The following PPP4R3B variants were observed in gnomAD, a reference collection of about 807,000 sequenced individuals.
The protein encoded by PPP4R3B is serine/threonine-protein phosphatase 4 regulatory subunit 3B.
In PPP4R3B, 52 loss-of-function variants were observed where a neutral mutation model predicts 95.4. The observed-to-expected ratio is 0.54, with a 90% CI of 0.44 to 0.69. The LOEUF (loss-of-function observed/expected upper bound fraction) is 0.69. Among genes scored for constraint, PPP4R3B ranks in the 30% least tolerant of loss-of-function variants. The probability of loss-of-function intolerance (pLI) is 0.00; values close to 1 mark genes in which losing one functional copy is unlikely to be tolerated. For synonymous variants in PPP4R3B, 407 were observed against 343.9 expected (o/e 1.18, Z -2.03); for missense variants, 1,003 against 1,005.9 (o/e 1.00, Z 0.04).
At chr2:55,583,952 T>A (rs1445186577) in intron 7 of PPP4R3B, among the ~76,000 whole-genome samples, 2 of 152,178 alleles carry the variant, frequency 1.3e-5, no homozygotes, top group Non-Finnish European at 2.9e-5. Flanking sequence ...ATGCCTTTAA[T>A]CCCAGCACTT....
In PPP4R3B at chr2:55,548,615, C is replaced by T. The variant is rs1281455250; in HGVS notation, c.*1296G>A. 6.6e-6 allele frequency: 1 copy of T among 152,446 alleles called. No homozygotes were observed. The highest frequency in any genetic ancestry group is 1.5e-5 in the Non-Finnish European group (1 of 67,998). The allele number at this position is 152,446 out of a possible 1,614,324, so 9.4% of individuals were successfully genotyped here. A position where few individuals can be genotyped will look rare whatever the true frequency, so the allele number is the denominator to read the frequency against. Reference sequence around the variant, plus strand: ...ACAGGGGAAACTGCTTTAGATTAAACGATTCCAGGAAAAATGGACCCGTAA... The same window carrying T: ...ACAGGGGAAACTGCTTTAGATTAAATGATTCCAGGAAAAATGGACCCGTAA... On this transcript the variant is annotated 3_prime_UTR_variant, in exon 17 of 17. Coordinates refer to ENST00000616407, the MANE Select transcript of PPP4R3B (RefSeq NM_001122964.3).
rs1243798911 is a variant in PPP4R3B, at chr2:55,588,954, T to C, written c.924A>G (p.Glu308=). The C allele has an allele frequency of 2.5e-6, 4 of 1,583,450 alleles. No individual in the cohort carries two copies. The highest frequency in any genetic ancestry group is 2.6e-6 in the Non-Finnish European group (3 of 1,154,672). Residue 308 remains glutamate (E), a splice_region_variant and synonymous_variant, in exon 5 of 17, where the codon GAA becomes GAG. Transcript: ENST00000616407. ...AAACTTCAGACAAAAACTTCTCATCTTCCTGCATGAGAAAAATAATTACTA... is the reference window on the plus strand; with the variant it reads ...AAACTTCAGACAAAAACTTCTCATCCTCCTGCATGAGAAAAATAATTACTA... ...NKVEIVSMLQ[E]DEKFLSEVFA...
chr2:55,598,598 T>G lies in PPP4R3B; in HGVS notation c.739A>C (p.Lys247Gln), dbSNP rs759328979. Residue 247 changes from lysine to glutamine, a missense_variant, in exon 4 of 17, where the codon AAG (lysine) becomes CAG (glutamine). Transcript: ENST00000616407. ...RHREFLTKTA[K>Q]FKEVIPITDS... The stretch of plus-strand genomic sequence containing the variant: ...GTTATTGGTATAACTTCCTTGAACT[T>G]TGCAGTTTTGGTCAAGAATTCTCTA... 1 of 1,614,210 alleles carries G rather than the reference T, an allele frequency of 6.2e-7. No homozygotes were observed. The highest frequency in any genetic ancestry group is 2.2e-5 in the East Asian group (1 of 44,872).
At position 55,577,192 on chromosome 2, in the gene PPP4R3B, T is replaced by A. The variant is rs557987041; in HGVS notation, c.1606+123A>T. ...GATAGTGGAATTACAAAAGTAAATT[T>A]CTTCTTGGATTTTGTTTTTATGCCA... On this transcript the variant is annotated intron_variant, in intron 11 of 16. Coordinates refer to ENST00000616407, the MANE Select transcript of PPP4R3B (RefSeq NM_001122964.3). 1.1e-5 allele frequency: 14 copies of A among 1,226,240 alleles called. No homozygotes were observed. The African/African-American group carries it at 1.9e-4, about 17-fold the overall frequency. 76.0% of individuals were successfully genotyped at this position (1,226,240 alleles called of 1,614,324 possible). A position where few individuals can be genotyped will look rare whatever the true frequency, so the allele number is the denominator to read the frequency against.
chr2:55,588,799 CAA>C lies in PPP4R3B; in HGVS notation c.999+78_999+79del, dbSNP rs567653660. 2.3e-5 allele frequency: 20 copies of C among 859,930 alleles called. No homozygotes were observed. In the East Asian group the frequency reaches 4.9e-4, roughly 21 times the overall value. The allele number at this position is 859,930 out of a possible 1,614,324, so 53.3% of individuals were successfully genotyped here. A position where few individuals can be genotyped will look rare whatever the true frequency, so the allele number is the denominator to read the frequency against. ...CTAATCTAATTACAAAAAATTGTCTCAAGTTAGCAAATTCAAGATTAAAAGCT... is the reference window on the plus strand; with the variant it reads ...CTAATCTAATTACAAAAAATTGTCTCGTTAGCAAATTCAAGATTAAAAGCT... On this transcript the variant is annotated intron_variant, in intron 5 of 16. Coordinates refer to ENST00000616407, the MANE Select transcript of PPP4R3B (RefSeq NM_001122964.3).
intron 12 of PPP4R3B, among the ~76,000 whole-genome samples, chr2:55,569,881 G>T (rs1196813693): frequency 1.3e-5 from 2 of 152,004 alleles, no homozygotes; most frequent in South Asian, 2.1e-4. Flanking sequence ...TGTGGGGCTG[G>T]TCCCTACACT....
At chr2:55,565,525 G>T (rs914384002) in intron 13 of PPP4R3B, among the ~76,000 whole-genome samples, 1 of 151,968 alleles carries the variant, frequency 6.6e-6, no homozygotes, top group Non-Finnish European at 1.5e-5. Context: ...AAATACTCAC[G>T]GTGATGGATA....
At chr2:55,603,249 G>T (rs576808731) in intron 3 of PPP4R3B, among the ~76,000 whole-genome samples, 1 of 152,122 alleles carries the variant, frequency 6.6e-6, no homozygotes, top group Admixed American at 6.6e-5. Context: ...AACCGCGTCC[G>T]GATGGACAAA....
At chr2:55,616,847 C>T (rs1377318263) in intron 1 of PPP4R3B, among the ~76,000 whole-genome samples, 1 of 152,070 alleles carries the variant, frequency 6.6e-6, no homozygotes, top group Middle Eastern at 3.2e-3. Flanking sequence ...ACATCAGTAC[C>T]TAGTCTCTCA....
intron 12 of PPP4R3B, among the ~76,000 whole-genome samples, chr2:55,572,317 A>G (rs934639266): frequency 6.6e-6 from 1 of 152,326 alleles, no homozygotes; most frequent in East Asian, 1.9e-4. Flanking sequence ...TATCTGGAAA[A>G]CAATACTACA....
In PPP4R3B at chr2:55,550,008, T is replaced by G; in HGVS notation, c.2455-2A>C. ...ATCCACTAAGCCAACCAAACTTCCC[T>G]ATTGAAGAATTTAAAAATTTTTTCT... On this transcript the variant is annotated splice_acceptor_variant, in intron 16 of 16. Coordinates refer to ENST00000616407, the MANE Select transcript of PPP4R3B (RefSeq NM_001122964.3). LOFTEE classifies it high-confidence loss of function. 6.3e-7 allele frequency: 1 copy of G among 1,591,150 alleles called. No individual in the cohort carries two copies. The highest frequency in any genetic ancestry group is 8.5e-7 in the Non-Finnish European group (1 of 1,174,160).
intron 2 of PPP4R3B, among the ~76,000 whole-genome samples, chr2:55,611,102 TCC>T (rs1410908584): frequency 1.1e-4 from 17 of 152,092 alleles, no homozygotes; most frequent in Non-Finnish European, 2.4e-4. Context: ...ACTAAAGTGA[TCC>T]TCCTGCCTCA....
intron 2 of PPP4R3B, among the ~76,000 whole-genome samples, chr2:55,606,747 C>T (rs1484294773): frequency 1.3e-5 from 2 of 149,340 alleles, no homozygotes; most frequent in Non-Finnish European, 3.0e-5. Flanking sequence ...CGCTTGAACC[C>T]GGGAGGTGGA....
intron 2 of PPP4R3B, among the ~76,000 whole-genome samples, chr2:55,613,993 C>G (rs1384369802): frequency 6.6e-6 from 1 of 152,084 alleles, no homozygotes. Context: ...GAAACATCTT[C>G]AGGTTTTCAA....
intron 7 of PPP4R3B, among the ~76,000 whole-genome samples, chr2:55,583,619 G>T (rs1689718358): frequency 6.6e-6 from 1 of 152,068 alleles, no homozygotes; most frequent in Non-Finnish European, 1.5e-5. Flanking sequence ...TAATTTCAAA[G>T]TTATCTTTTG....
At chr2:55,561,672 G>C (rs1337052392) in intron 15 of PPP4R3B, among the ~76,000 whole-genome samples, 2 of 152,262 alleles carry the variant, frequency 1.3e-5, no homozygotes, top group African/African-American at 4.8e-5. Flanking sequence ...GGAGCTTTAA[G>C]ATTTAAAGAC....
At chr2:55,563,492 C>G (rs564646397) in intron 15 of PPP4R3B, among the ~76,000 whole-genome samples, 101 of 152,192 alleles carry the variant, frequency 6.6e-4, no homozygotes, top group African/African-American at 2.3e-3. Flanking sequence ...CCAGCCTCAG[C>G]CTTCCTAGTA....
chr2:55,568,423 G>A, intron 12 of PPP4R3B, 60 bp from the exon 13 acceptor site: 1 of 1,374,084 alleles, frequency 7.3e-7, no homozygotes, highest in East Asian at 2.5e-5. Flanking sequence ...TTATTATACA[G>A]GTGTTTTTCC....
chr2:55,596,831 G>T (rs1257563865), intron 4 of PPP4R3B, among the ~76,000 whole-genome samples: 1 of 152,192 alleles, frequency 6.6e-6, no homozygotes, highest in Non-Finnish European at 1.5e-5. Context: ...GAGTGTGGTG[G>T]CGTGTGCCTG....
Sources: gnomAD v4.1 joint callset for allele counts (sites outside exome capture counted in the v4.1 genomes callset) on GRCh38, gnomAD v4.1.1 for gene constraint, MANE v1.5 for transcripts, NCBI Gene and HGNC (gene_info 2026-07-23, HGNC 2026-07-21) for gene names.